RPIA: variants seen among roughly 807,000 people sequenced by gnomAD.
The protein encoded by RPIA is ribose 5-phosphate isomerase A.
RPIA carries 29 observed loss-of-function variants against 37.8 expected under a neutral mutation model. The observed-to-expected ratio is 0.77, with a 90% CI of 0.57 to 1.05. The LOEUF is 1.05. Ranked by LOEUF, RPIA falls within the 50% of genes least tolerant of loss-of-function variation. The pLI, the probability that RPIA is intolerant of heterozygous loss-of-function variation, is 0.00. For synonymous variants in RPIA, 167 were observed against 157.0 expected, an observed-to-expected ratio of 1.06 and a Z score of -0.48; for missense variants, 385 against 413.6, an observed-to-expected ratio of 0.93 and a Z score of 0.60.
intron 1 of RPIA, among the ~76,000 whole-genome samples, chr2:88,692,699 A>G (rs1208461275): frequency 6.6e-6 from 1 of 152,156 alleles, no homozygotes; most frequent in African/African-American, 2.4e-5. Context: ...CTTAATTATA[A>G]TAAGGAAGCC....
intron 8 of RPIA, among the ~76,000 whole-genome samples, chr2:88,744,008 T>TA (rs1673412307): frequency 1.3e-5 from 2 of 152,176 alleles, no homozygotes; most frequent in South Asian, 4.1e-4. Context: ...CAATTTCATT[T>TA]AGTTCTGCTC....
intron 8 of RPIA, among the ~76,000 whole-genome samples, chr2:88,744,421 T>G (rs1399757671): frequency 6.6e-6 from 1 of 152,156 alleles, no homozygotes; most frequent in East Asian, 1.9e-4. Flanking sequence ...TTTTGTAGCC[T>G]GTCATGTTGG....
At position 88,735,708 on chromosome 2, in the gene RPIA, T is replaced by TA. The variant is rs1451283830; in HGVS notation, c.568dup (p.Ser190LysfsTer8). ...AGGAGAAGATTGTGGCTGGCTATGC[T>TA]AGTCGCTTCATCGTGATCGCTGATT... On this transcript the variant is annotated frameshift_variant, in exon 6 of 9. Coordinates refer to ENST00000283646, the MANE Select transcript of RPIA (RefSeq NM_144563.3). LOFTEE classifies it high-confidence loss of function. 6.2e-7 allele frequency: 1 copy of TA among 1,614,188 alleles called. No individual in the cohort carries two copies. Among genetic ancestry groups the TA allele is most frequent in the South Asian group, 1.1e-5 (1 of 91,086 alleles).
At chr2:88,699,873 G>C in intron 2 of RPIA, 136 bp from the exon 3 acceptor site, 1 of 864,148 alleles carries the variant, frequency 1.2e-6, no homozygotes, top group Non-Finnish European at 1.9e-6. Flanking sequence ...CCACCAAGGA[G>C]GGGGACACAG....
chr2:88,694,990 A>AG (rs1057469553), intron 1 of RPIA, among the ~76,000 whole-genome samples: 2 of 151,466 alleles, frequency 1.3e-5, no homozygotes, highest in East Asian at 1.9e-4. Context: ...AAAAAAAAAA[A>AG]AAAAAGAAAA....
At chr2:88,740,129 A>G (rs1192621748) in intron 8 of RPIA, among the ~76,000 whole-genome samples, 3 of 152,198 alleles carry the variant, frequency 2.0e-5, no homozygotes, top group Non-Finnish European at 4.4e-5. Context: ...AAACAAACCC[A>G]GGGCCCCAGG....
chr2:88,702,220 A>G (rs1001008659), intron 3 of RPIA, among the ~76,000 whole-genome samples: 21 of 152,174 alleles, frequency 1.4e-4, no homozygotes, highest in African/African-American at 5.1e-4. Context: ...TTTCCTGTTA[A>G]CCCAGTATTG....
Position 88,738,095 on chromosome 2 carries a change from A to G in RPIA, c.838+19A>G. ...ATCCCAGGTAACATGAGTGGTGTTCACCAGTCATATACACACCCATGGCCT... is the reference window on the plus strand; with the variant it reads ...ATCCCAGGTAACATGAGTGGTGTTCGCCAGTCATATACACACCCATGGCCT... On this transcript the variant is annotated intron_variant, in intron 8 of 8. Transcript: ENST00000283646. 1 of 1,570,260 alleles carries G rather than the reference A, an allele frequency of 6.4e-7. No individual in the cohort carries two copies. The highest frequency in any genetic ancestry group is 8.8e-7 in the Non-Finnish European group (1 of 1,140,130).
At chr2:88,705,629 T>A (rs971648146) in intron 3 of RPIA, among the ~76,000 whole-genome samples, 3 of 151,794 alleles carry the variant, frequency 2.0e-5, no homozygotes, top group Non-Finnish European at 4.4e-5. Flanking sequence ...TAGAAGAAAA[T>A]ACCATTCAGG....
intron 3 of RPIA, among the ~76,000 whole-genome samples, 160 bp downstream of exon 3, chr2:88,700,224 G>T (rs1201001780): frequency 6.6e-6 from 1 of 152,196 alleles, no homozygotes; most frequent in Non-Finnish European, 1.5e-5. Context: ...TCTTGGAATT[G>T]TAGTTTTAGG....
Position 88,691,907 on chromosome 2 carries a change from C to T in RPIA, c.209C>T (p.Pro70Leu), listed in dbSNP as rs764707378. 9 of 1,594,422 alleles carry T rather than the reference C, an allele frequency of 5.6e-6. No individual in the cohort carries two copies. The highest frequency in any genetic ancestry group is 7.7e-6 in the Non-Finnish European group (9 of 1,171,500). Residue 70 changes from proline to leucine, a missense_variant, in exon 1 of 9, where the codon CCG becomes CTG. This residue lies in a region of RPIA where 232 missense variants were observed against 203.0 expected (regional missense o/e 1.14). Coordinates refer to ENST00000283646, the MANE Select transcript of RPIA (RefSeq NM_144563.3). ...TSCGDSNSICPAPSTMSKAEE... is the reference protein window; with the variant it reads ...TSCGDSNSICLAPSTMSKAEE... ...TGCGGGGACTCCAACAGCATCTGCCCGGCCCCCTCCACGATGTCCAAGGCC... is the reference window on the plus strand; with the variant it reads ...TGCGGGGACTCCAACAGCATCTGCCTGGCCCCCTCCACGATGTCCAAGGCC...
chr2:88,722,994 TTTTG>T (rs1299054359), intron 3 of RPIA, among the ~76,000 whole-genome samples: 76 of 152,314 alleles, frequency 5.0e-4, no homozygotes, highest in African/African-American at 9.6e-4. Flanking sequence ...GTGCATAGTT[TTTTG>T]TTTGTTTGTT....
intron 8 of RPIA, among the ~76,000 whole-genome samples, chr2:88,744,225 A>T (rs1269347065): frequency 6.6e-6 from 1 of 152,200 alleles, no homozygotes; most frequent in East Asian, 1.9e-4. Flanking sequence ...TTCAGTTCAA[A>T]TAATTTTTAA....
chr2:88,693,974 G>GA lies in RPIA; in HGVS notation c.285+1991_285+1992insA, dbSNP rs1558686438. 2.0e-5 allele frequency among the ~76,000 whole-genome samples: 3 copies of GA among 152,350 alleles called. No individual in the cohort carries two copies. In the East Asian group the frequency reaches 5.8e-4, roughly 29 times the overall value. On this transcript the variant is annotated intron_variant, in intron 1 of 8. Transcript: ENST00000283646. The stretch of plus-strand genomic sequence containing the variant: ...TCCCTTTGTTCTCTTTGGAGCCTGG[G>GA]CTTTGTTTTTTTACTAGCTTGGTTG...
intron 4 of RPIA, among the ~76,000 whole-genome samples, chr2:88,734,260 G>C (rs562410701): frequency 2.6e-5 from 4 of 151,978 alleles, no homozygotes; most frequent in Non-Finnish European, 5.9e-5. Flanking sequence ...CTGAGAACAC[G>C]TGCTCTAAAT....
At chr2:88,726,157 CAG>C in intron 3 of RPIA, among the ~76,000 whole-genome samples, 2 of 152,248 alleles carry the variant, frequency 1.3e-5, no homozygotes, top group Middle Eastern at 6.8e-3. Context: ...GCTGCAGAAA[CAG>C]ACAGTGCTCA....
intron 4 of RPIA, among the ~76,000 whole-genome samples, chr2:88,734,168 A>G (rs1298830463): frequency 3.9e-5 from 6 of 151,964 alleles, no homozygotes; most frequent in African/African-American, 1.5e-4. Flanking sequence ...TGGTGGGACA[A>G]AACTCATTGT....
At chr2:88,706,053 A>G (rs1220937625) in intron 3 of RPIA, among the ~76,000 whole-genome samples, 1 of 152,154 alleles carries the variant, frequency 6.6e-6, no homozygotes, top group East Asian at 1.9e-4. Context: ...AAGTCAAGAA[A>G]CAACAGATGC....
At chr2:88,692,151 C>T (rs1676944752) in intron 1 of RPIA, among the ~76,000 whole-genome samples, 168 bp downstream of exon 1, 1 of 152,168 alleles carries the variant, frequency 6.6e-6, no homozygotes, top group African/African-American at 2.4e-5. Flanking sequence ...CTTCCCTGCT[C>T]CTTAAAGACC....
Sources: allele counts gnomAD v4.1 joint callset (sites outside exome capture counted in the v4.1 genomes callset), GRCh38; gene constraint gnomAD v4.1.1; regional missense constraint gnomAD v4.1.1; transcripts MANE v1.5; gene names NCBI Gene and HGNC (gene_info 2026-07-23, HGNC 2026-07-21).